The following KCNQ5 variants were observed in gnomAD, a reference collection of about 807,000 sequenced individuals.
KCNQ5 encodes the protein potassium voltage-gated channel subfamily KQT member 5.
A neutral mutation model predicts 98.2 loss-of-function variants in KCNQ5; 30 were observed. That is an observed-to-expected ratio of 0.31 (90% CI 0.23 to 0.41). KCNQ5 has a LOEUF of 0.41. Among genes scored for constraint, KCNQ5 ranks in the 10% least tolerant of loss-of-function variants. The pLI, the probability that KCNQ5 is intolerant of heterozygous loss-of-function variation, is 1.00. For synonymous variants in KCNQ5, 458 were observed against 449.4 expected, an observed-to-expected ratio of 1.02 and a Z score of -0.24; for missense variants, 835 against 1,182.5, an observed-to-expected ratio of 0.71 and a Z score of 4.31.
chr6:73,191,376 C>G (rs558517692), intron 12 of KCNQ5, among the ~76,000 whole-genome samples: 1 of 152,252 alleles, frequency 6.6e-6, no homozygotes, highest in Non-Finnish European at 1.5e-5. Flanking sequence ...ATACTATCCT[C>G]CTAGTAGCAT....
chr6:72,856,445 T>TACACAC (rs759343724), intron 1 of KCNQ5, among the ~76,000 whole-genome samples: 4 of 129,734 alleles, frequency 3.1e-5, no homozygotes, highest in African/African-American at 8.2e-5. Context: ...TATGTATACA[T>TACACAC]ACACACACAC....
intron 1 of KCNQ5, among the ~76,000 whole-genome samples, chr6:72,856,903 G>A (rs1301213096): frequency 6.6e-6 from 1 of 152,310 alleles, no homozygotes; most frequent in East Asian, 1.9e-4. Flanking sequence ...TCCCCCGTGG[G>A]GCTGGAGATG....
intron 10 of KCNQ5, among the ~76,000 whole-genome samples, chr6:73,166,704 T>C (rs1433929462): frequency 1.3e-5 from 2 of 152,156 alleles, no homozygotes; most frequent in Non-Finnish European, 2.9e-5. Flanking sequence ...TCTGAAATCA[T>C]GGGCTCATTA....
intron 1 of KCNQ5, among the ~76,000 whole-genome samples, chr6:72,651,282 CTT>C (rs1765862567): frequency 6.6e-6 from 1 of 151,928 alleles, no homozygotes; most frequent in African/African-American, 2.4e-5. Context: ...AATGAAGACT[CTT>C]TTAGTTGAAC....
chr6:72,663,876 A>G (rs1766650906), intron 1 of KCNQ5, among the ~76,000 whole-genome samples: 1 of 152,194 alleles, frequency 6.6e-6, no homozygotes, highest in Non-Finnish European at 1.5e-5. Flanking sequence ...CTCCGCTTTA[A>G]ATCTTCAAGT....
At chr6:72,674,051 A>T (rs759516591) in intron 1 of KCNQ5, among the ~76,000 whole-genome samples, 1 of 152,216 alleles carries the variant, frequency 6.6e-6, no homozygotes, top group Non-Finnish European at 1.5e-5. Flanking sequence ...ATTATAATAA[A>T]AAATTGTCTT....
At chr6:73,187,483 A>G (rs1460556890) in intron 11 of KCNQ5, among the ~76,000 whole-genome samples, 1 of 152,248 alleles carries the variant, frequency 6.6e-6, no homozygotes. Flanking sequence ...TCCAATTTTC[A>G]CTATTTAATT....
intron 7 of KCNQ5, among the ~76,000 whole-genome samples, chr6:73,112,385 G>T (rs1361340562): frequency 6.7e-6 from 1 of 149,864 alleles, no homozygotes; most frequent in South Asian, 2.1e-4. Context: ...CCGCTTTGTC[G>T]CCCAGGCTGG....
intron 2 of KCNQ5, among the ~76,000 whole-genome samples, chr6:73,027,388 G>A (rs538777835): frequency 1.3e-5 from 2 of 152,272 alleles, no homozygotes; most frequent in East Asian, 1.9e-4. Flanking sequence ...ATAGTAATTT[G>A]TACAGCTAGC....
chr6:72,701,005 C>T lies in KCNQ5; in HGVS notation c.398+78418C>T, dbSNP rs548302744. Among the ~76,000 whole-genome samples, 187 of 152,306 alleles carry T rather than the reference C, an allele frequency of 1.2e-3. 1 individual carries two copies. The highest frequency in any genetic ancestry group is 3.0e-3 in the Admixed American group (46 of 15,298). On this transcript the variant is annotated intron_variant, in intron 1 of 13. Coordinates refer to ENST00000370398, the MANE Select transcript of KCNQ5 (RefSeq NM_019842.4). ...TGACATGCGACTACATTGCTGTTTA[C>T]TAAGTTCATTGTAGACATGCAACAG...
intron 10 of KCNQ5, among the ~76,000 whole-genome samples, chr6:73,139,234 T>C (rs1310165862): frequency 4.6e-5 from 7 of 152,200 alleles, no homozygotes; most frequent in Non-Finnish European, 8.8e-5. Flanking sequence ...ACATCTTATT[T>C]TGCAGAATCC....
chr6:73,181,582 A>G (rs530349174), intron 11 of KCNQ5, among the ~76,000 whole-genome samples: 107 of 152,394 alleles, frequency 7.0e-4, no homozygotes, highest in African/African-American at 2.5e-3. Context: ...AAGGAGAGAC[A>G]TAGTAAAAAC....
intron 3 of KCNQ5, among the ~76,000 whole-genome samples, chr6:73,064,786 C>T (rs996709974): frequency 9.2e-5 from 14 of 152,028 alleles, no homozygotes; most frequent in Admixed American, 1.3e-4. Flanking sequence ...TTCATCTCTT[C>T]GATTTATTGA....
chr6:73,147,290 T>C (rs1188322034), intron 10 of KCNQ5, among the ~76,000 whole-genome samples: 1 of 152,122 alleles, frequency 6.6e-6, no homozygotes, highest in Non-Finnish European at 1.5e-5. Context: ...TTGTTATTAT[T>C]TATTAATTAA....
chr6:72,852,771 C>T (rs979338688), intron 1 of KCNQ5, among the ~76,000 whole-genome samples: 8 of 149,438 alleles, frequency 5.4e-5, no homozygotes, highest in South Asian at 4.2e-4. Flanking sequence ...TAAACACACA[C>T]GTCAAACAAT....
intron 1 of KCNQ5, among the ~76,000 whole-genome samples, chr6:72,651,874 T>C (rs900820015): frequency 5.9e-5 from 9 of 152,194 alleles, no homozygotes; most frequent in South Asian, 2.1e-4. Flanking sequence ...AAATTTCCCA[T>C]TAAATTTTAT....
chr6:73,112,165 T>C (rs1056078725), intron 7 of KCNQ5, among the ~76,000 whole-genome samples: 97 of 152,192 alleles, frequency 6.4e-4, no homozygotes, highest in Non-Finnish European at 1.0e-3. Context: ...CATTTAGTTA[T>C]GGACAAAATA....
intron 1 of KCNQ5, among the ~76,000 whole-genome samples, chr6:72,928,591 G>A (rs1273665766): frequency 6.6e-6 from 1 of 152,038 alleles, no homozygotes; most frequent in Non-Finnish European, 1.5e-5. Context: ...TGGATCTGTG[G>A]TAGCATGGGA....
chr6:72,848,936 G>T (rs777783433), intron 1 of KCNQ5, among the ~76,000 whole-genome samples: 14 of 152,088 alleles, frequency 9.2e-5, no homozygotes, highest in African/African-American at 3.4e-4. Context: ...AAATAAGCCC[G>T]CTTCCTTTAT....
Sources: allele counts gnomAD v4.1 joint callset (sites outside exome capture counted in the v4.1 genomes callset), GRCh38; gene constraint gnomAD v4.1.1; transcripts MANE v1.5; gene names NCBI Gene and HGNC (gene_info 2026-07-23, HGNC 2026-07-21).